The following PRUNE2 variants were observed in gnomAD, a reference collection of about 807,000 sequenced individuals.
PRUNE2 encodes the protein protein prune homolog 2.
Under a neutral mutation model 252.0 loss-of-function variants are expected in PRUNE2, and 164 were observed. The observed-to-expected ratio is 0.65, with a 90% CI of 0.57 to 0.74. PRUNE2 has a LOEUF of 0.74. Ranked by LOEUF, PRUNE2 falls within the 30% of genes least tolerant of loss-of-function variation. The pLI, the probability that PRUNE2 is intolerant of heterozygous loss-of-function variation, is 0.00. For missense variants in PRUNE2, 3,495 were observed against 3,711.0 expected (o/e 0.94, Z 1.51); for synonymous variants, 1,292 against 1,350.2 (o/e 0.96, Z 0.94).
intron 9 of PRUNE2, among the ~76,000 whole-genome samples, chr9:76,656,625 A>G (rs890015160): frequency 4.6e-5 from 7 of 152,204 alleles, no homozygotes; most frequent in Admixed American, 1.3e-4. Flanking sequence ...TATTCAACAA[A>G]TATCTATTAA....
chr9:76,884,921 A>G (rs1287102758), intron 1 of PRUNE2, among the ~76,000 whole-genome samples: 4 of 152,200 alleles, frequency 2.6e-5, no homozygotes, highest in East Asian at 1.9e-4. Flanking sequence ...TTTCCATGAC[A>G]TATTTCTGCT....
chr9:76,861,906 G>A (rs775283662), intron 1 of PRUNE2, among the ~76,000 whole-genome samples: 9 of 151,458 alleles, frequency 5.9e-5, no homozygotes, highest in Non-Finnish European at 1.3e-4. Context: ...GATGAGCCCC[G>A]CAAATCTTTA....
intron 6 of PRUNE2, among the ~76,000 whole-genome samples, chr9:76,719,374 A>C (rs1326148136): frequency 6.6e-6 from 1 of 152,236 alleles, no homozygotes; most frequent in Admixed American, 6.5e-5. Flanking sequence ...CAAATGGATA[A>C]TAAATAGATC....
Position 76,720,539 on chromosome 9 carries a change from A to G in PRUNE2, c.757-6818T>C, listed in dbSNP as rs191357545. Among the ~76,000 whole-genome samples the G allele has an allele frequency of 3.7e-4, 57 of 152,350 alleles. 1 individual carries two copies. In the East Asian group the frequency reaches 0.011, roughly 28 times the overall value. Reference sequence around the variant, plus strand: ...TGTGAGAACTAAAAGCATATATAAAAGACTGGTCAAGTGCCTGACATATAG... The same window carrying G: ...TGTGAGAACTAAAAGCATATATAAAGGACTGGTCAAGTGCCTGACATATAG... On this transcript the variant is annotated intron_variant, in intron 6 of 18. Coordinates refer to ENST00000376718, the MANE Select transcript of PRUNE2 (RefSeq NM_015225.3).
At chr9:76,745,775 C>T (rs2050049824) in intron 6 of PRUNE2, among the ~76,000 whole-genome samples, 1 of 152,216 alleles carries the variant, frequency 6.6e-6, no homozygotes, top group South Asian at 2.1e-4. Flanking sequence ...TCTATCTGGG[C>T]AGTGGGCAAA....
chr9:76,791,299 C>A (rs1168710555), intron 6 of PRUNE2, among the ~76,000 whole-genome samples: 2 of 106,042 alleles, frequency 1.9e-5, no homozygotes, highest in African/African-American at 7.3e-5. Context: ...TACAATAATA[C>A]TGCACCAATT....
intron 9 of PRUNE2, among the ~76,000 whole-genome samples, chr9:76,694,926 AAAAT>A (rs959019008): frequency 6.6e-6 from 1 of 152,222 alleles, no homozygotes; most frequent in African/African-American, 2.4e-5. Flanking sequence ...GGAAGTTTAA[AAAAT>A]AAATATAAAA....
At chr9:76,853,040 A>G (rs1252963709) in intron 2 of PRUNE2, among the ~76,000 whole-genome samples, 1 of 152,200 alleles carries the variant, frequency 6.6e-6, no homozygotes, top group Non-Finnish European at 1.5e-5. Context: ...GAGTCAAAAT[A>G]CCAGTTAACA....
chr9:76,761,849 C>T (rs1447516547), intron 6 of PRUNE2, among the ~76,000 whole-genome samples: 1 of 152,152 alleles, frequency 6.6e-6, no homozygotes, highest in Non-Finnish European at 1.5e-5. Flanking sequence ...TTATTTATAG[C>T]TTTACATGAA....
chr9:76,659,742 G>A lies in PRUNE2; in HGVS notation c.8277-4240C>T, dbSNP rs375267196. On this transcript the variant is annotated intron_variant, in intron 9 of 18. Coordinates refer to ENST00000376718, the MANE Select transcript of PRUNE2 (RefSeq NM_015225.3). ...TTCCTCTGAGTGTTGTGTCAGCACT[G>A]AAGAACATGAATTTTGGAGCATTTT... Among the ~76,000 whole-genome samples the A allele has an allele frequency of 1.8e-4, 27 of 152,084 alleles. No homozygotes were observed. The East Asian group carries it at 5.0e-3, about 28-fold the overall frequency.
rs1293306858 is a variant in PRUNE2 at position 76,624,500 on chromosome 9, CA to C, written c.9150-11del. ...CAGTTCTTCATCCAGTCTGCAGGAG[CA>C]AAAATTATTGGTGTGGAAAAGAAAC... On this transcript the variant is annotated splice_polypyrimidine_tract_variant and intron_variant, in intron 16 of 18. Transcript: ENST00000376718. The C allele has an allele frequency of 2.1e-6, 3 of 1,411,714 alleles. No homozygotes were observed. The highest frequency in any genetic ancestry group is 2.7e-5 in the East Asian group (1 of 37,706). The allele number at this position is 1,411,714 out of a possible 1,614,324, so 87.4% of individuals were successfully genotyped here.
In PRUNE2 at chr9:76,905,945, G is replaced by C. The variant is rs771179608; in HGVS notation, c.19C>G (p.Arg7Gly). 8 of 1,614,178 alleles carry C rather than the reference G, an allele frequency of 5.0e-6. No homozygotes were observed. The South Asian group carries it at 7.7e-5, about 16-fold the overall frequency. The change falls in exon 1 of 19, where the codon CGC becomes GGC. Residue 7 changes from arginine (R) to glycine (G), a missense_variant. Arg to Gly is a moderately radical substitution (Grantham distance 125). Transcript: ENST00000376718. MEEFLQ[R>G]AKSKLNRSKR... ...CAACTTACCAGTTTAGATTTGGCGC[G>C]TTGCAAAAATTCTTCCATGTCGTGG...
chr9:76,722,962 G>GGT (rs575829914), intron 6 of PRUNE2, among the ~76,000 whole-genome samples: 40 of 152,096 alleles, frequency 2.6e-4, no homozygotes, highest in Non-Finnish European at 2.2e-4. Context: ...ATTTCAATTT[G>GGT]GTGTTGGTTC....
At chr9:76,815,309 A>T (rs956404945) in intron 6 of PRUNE2, among the ~76,000 whole-genome samples, 1 of 152,234 alleles carries the variant, frequency 6.6e-6, no homozygotes, top group Non-Finnish European at 1.5e-5. Context: ...TACAGGCTGC[A>T]ATAACAAAAC....
intron 16 of PRUNE2, among the ~76,000 whole-genome samples, chr9:76,628,606 A>G (rs1286926397): frequency 1.3e-5 from 2 of 152,224 alleles, no homozygotes; most frequent in Admixed American, 1.3e-4. Flanking sequence ...TATACCAATT[A>G]ACCAATGTAA....
At chr9:76,769,745 G>T (rs946199874) in intron 6 of PRUNE2, among the ~76,000 whole-genome samples, 2 of 152,172 alleles carry the variant, frequency 1.3e-5, no homozygotes, top group African/African-American at 4.8e-5. Context: ...TCTGATGCTT[G>T]TATTTCTGTA....
chr9:76,846,633 C>G lies in PRUNE2; in HGVS notation c.390G>C (p.Pro130=), dbSNP rs763106333. 1.9e-6 allele frequency: 3 copies of G among 1,613,924 alleles called. No individual in the cohort carries two copies. In the African/African-American group the frequency reaches 4.0e-5, roughly 22 times the overall value. ...CAACGTTGGCATCGCTCTGCTCAAC[C>G]GGATTAATGACTTTGACAACTGCTG... ...LESAVVKVIN[P]VEQSDANVEF... Residue 130 remains proline, a synonymous_variant, in exon 4 of 19, where the codon CCG becomes CCC. Coordinates refer to ENST00000376718, the MANE Select transcript of PRUNE2 (RefSeq NM_015225.3).
intron 4 of PRUNE2, among the ~76,000 whole-genome samples, chr9:76,838,146 T>G (rs1472494908): frequency 7.1e-6 from 1 of 140,274 alleles, no homozygotes; most frequent in Non-Finnish European, 1.6e-5. Context: ...TTTTTATTTT[T>G]CCTGATCTTG....
intron 9 of PRUNE2, among the ~76,000 whole-genome samples, chr9:76,688,515 G>A (rs2044354117): frequency 6.6e-6 from 1 of 152,080 alleles, no homozygotes. Flanking sequence ...ATTCTTCTGT[G>A]GGCACCTCCC....
Sources: gnomAD v4.1 joint callset for allele counts (sites outside exome capture counted in the v4.1 genomes callset) on GRCh38, gnomAD v4.1.1 for gene constraint, MANE v1.5 for transcripts, NCBI Gene and HGNC (gene_info 2026-07-23, HGNC 2026-07-21) for gene names.